RBM38: variants seen among roughly 807,000 people sequenced by gnomAD.
RBM38 encodes the protein RNA-binding protein 38.
Under a neutral mutation model 23.5 loss-of-function variants are expected in RBM38, and 11 were observed. That is an observed-to-expected ratio of 0.47 (90% CI 0.29 to 0.77). The LOEUF is 0.77. Ranked by LOEUF, RBM38 falls within the 30% of genes least tolerant of loss-of-function variation. The pLI is 0.08. For synonymous variants in RBM38, 165 were observed against 166.1 expected, an observed-to-expected ratio of 0.99 and a Z score of 0.05; for missense variants, 330 against 351.9, an observed-to-expected ratio of 0.94 and a Z score of 0.50.
intron 3 of RBM38, among the ~76,000 whole-genome samples, chr20:57,393,858 T>C (rs1169859319): frequency 6.6e-6 from 1 of 152,162 alleles, no homozygotes; most frequent in Non-Finnish European, 1.5e-5. Flanking sequence ...CCTGCCTGAG[T>C]GGCCTGGCCT....
chr20:57,400,064 C>G, intron 3 of RBM38: 1 of 448,960 alleles, frequency 2.2e-6, no homozygotes, highest in Non-Finnish European at 4.5e-6. Context: ...ACGGGGTTCT[C>G]AGACTCTGCC....
chr20:57,396,603 G>T (rs2067276754), intron 3 of RBM38, among the ~76,000 whole-genome samples: 1 of 152,208 alleles, frequency 6.6e-6, no homozygotes, highest in African/African-American at 2.4e-5. Context: ...CCTGGCTGTG[G>T]CCTTGACTCC....
At chr20:57,398,249 CGTGTGTGTGT>C (rs3067272) in intron 3 of RBM38, among the ~76,000 whole-genome samples, 40 of 149,112 alleles carry the variant, frequency 2.7e-4, no homozygotes, top group Middle Eastern at 6.9e-3. Context: ...CAGGTGATGG[CGTGTGTGTGT>C]GTGTGTGTGT....
At chr20:57,401,992 G>C (rs146366535) in intron 3 of RBM38, among the ~76,000 whole-genome samples, 235 of 152,276 alleles carry the variant, frequency 1.5e-3, no homozygotes, top group African/African-American at 5.4e-3. Flanking sequence ...TCTGTCTCCA[G>C]GCTGGAGTGC....
At chr20:57,403,086 C>T (rs1332215852) in intron 3 of RBM38, among the ~76,000 whole-genome samples, 2 of 152,204 alleles carry the variant, frequency 1.3e-5, no homozygotes, top group African/African-American at 4.8e-5. Context: ...GCACCCCCAC[C>T]CGCACCTCAT....
intron 3 of RBM38, among the ~76,000 whole-genome samples, chr20:57,403,544 T>C (rs1031146380): frequency 6.6e-6 from 1 of 152,188 alleles, no homozygotes; most frequent in Non-Finnish European, 1.5e-5. Context: ...TCCCTTGCTC[T>C]GCGATGGGGC....
Position 57,408,204 on chromosome 20 carries a change from T to C in RBM38, c.*358T>C. On this transcript the variant is annotated 3_prime_UTR_variant, in exon 4 of 4. Transcript: ENST00000356208. ...CCCACTGCTGCATCGTGGCGGGGTGTCACAGACCCTCTGCAGCCCCTGGCT... is the reference window on the plus strand; with the variant it reads ...CCCACTGCTGCATCGTGGCGGGGTGCCACAGACCCTCTGCAGCCCCTGGCT... 1 of 381,778 alleles carries C rather than the reference T, an allele frequency of 2.6e-6. No homozygotes were observed. The highest frequency in any genetic ancestry group is 2.5e-5 in the South Asian group (1 of 40,390). The allele number at this position is 381,778 out of a possible 1,614,324, so 23.6% of individuals were successfully genotyped here. A position where few individuals can be genotyped will look rare whatever the true frequency, so the allele number is the denominator to read the frequency against.
In RBM38 at chr20:57,408,807, A is replaced by G. The variant is rs1478601076; in HGVS notation, c.*961A>G. On this transcript the variant is annotated 3_prime_UTR_variant, in exon 4 of 4. Coordinates refer to ENST00000356208, the MANE Select transcript of RBM38 (RefSeq NM_017495.6). ...AGGACCCCGTCACTGCGACGTTGAC[A>G]CTCCTCTCCCTTCCCTTCCTCCCCA... 1.7e-4 allele frequency: 25 copies of G among 147,250 alleles called. 1 individual carries two copies. Among genetic ancestry groups the G allele is most frequent in the Admixed American group, 1.6e-3 (23 of 14,750 alleles). The allele number at this position is 147,250 out of a possible 1,614,324, so 9.1% of individuals were successfully genotyped here. A position where few individuals can be genotyped will look rare whatever the true frequency, so the allele number is the denominator to read the frequency against.
chr20:57,392,927 C>A (rs568712349), intron 2 of RBM38, 150 bp downstream of exon 2: 23 of 1,085,272 alleles, frequency 2.1e-5, no homozygotes, highest in African/African-American at 3.2e-5. Flanking sequence ...AGCCATCCCC[C>A]CCTCGAGGAT....
At position 57,400,477 on chromosome 20, in the gene RBM38, G is replaced by A. The variant is rs568064404; in HGVS notation, c.417-7066G>A. ...GCCTTTCCAGCCCTAATGGTGGCCC[G>A]TTTCAGTGGCTCCGTGATTTGGGGG... is the stretch of plus-strand genomic sequence containing the variant. On this transcript the variant is annotated intron_variant, in intron 3 of 3. Transcript: ENST00000356208. 2.4e-4 allele frequency among the ~76,000 whole-genome samples: 36 copies of A among 152,264 alleles called. No homozygotes were observed. In the South Asian group the frequency reaches 3.9e-3, roughly 17 times the overall value.
intron 3 of RBM38, chr20:57,399,794 G>T (rs1271054311): frequency 2.3e-6 from 1 of 437,498 alleles, no homozygotes; most frequent in Non-Finnish European, 4.6e-6. Context: ...GCGCCTCGGG[G>T]ACCTTCCCAC....
intron 1 of RBM38, 102 bp from the exon 2 acceptor site, chr20:57,392,552 G>T (rs2067230909): frequency 1.3e-6 from 2 of 1,513,726 alleles, no homozygotes; most frequent in East Asian, 4.9e-5. Flanking sequence ...TCAGAGGAAG[G>T]GAAGAGAGGG....
chr20:57,399,505 T>C (rs2067306688), intron 3 of RBM38, among the ~76,000 whole-genome samples: 2 of 152,184 alleles, frequency 1.3e-5, no homozygotes, highest in South Asian at 4.1e-4. Context: ...TTCTGGAGCT[T>C]TGGGCCTTTG....
Position 57,392,706 on chromosome 20 carries a change from C to T in RBM38, c.290C>T (p.Pro97Leu), listed in dbSNP as rs762025790. ...AAERACKDPNPIIDGRKANVN... is the reference protein window; with the variant it reads ...AAERACKDPNLIIDGRKANVN... ...GAGAGGGCTTGCAAAGACCCGAACC[C>T]CATCATCGACGGCCGCAAGGCCAAC... The change falls in exon 2 of 4, where the codon CCC (proline) becomes CTC (leucine). Residue 97 changes from proline (P) to leucine (L), a missense_variant. Transcript: ENST00000356208. The T allele has an allele frequency of 1.2e-5, 20 of 1,612,802 alleles. No individual in the cohort carries two copies. Among genetic ancestry groups the T allele is most frequent in the African/African-American group, 4.0e-5 (3 of 74,952 alleles).
At chr20:57,393,941 C>G (rs1346535943) in intron 3 of RBM38, among the ~76,000 whole-genome samples, 1 of 152,126 alleles carries the variant, frequency 6.6e-6, no homozygotes. Context: ...CTCCCACCTC[C>G]CTGCCCTTTT....
At chr20:57,392,936 A>G (rs2067236267) in intron 2 of RBM38, 159 bp downstream of exon 2, 3 of 988,554 alleles carry the variant, frequency 3.0e-6, no homozygotes, top group Non-Finnish European at 4.4e-6. Context: ...CCCCTCGAGG[A>G]TCTAGACCCC....
Position 57,391,639 on chromosome 20 carries a change from G to GC in RBM38, c.63dup (p.Gly22ArgfsTer68). The GC allele has an allele frequency of 2.1e-6, 3 of 1,460,324 alleles. No individual in the cohort carries two copies. Among genetic ancestry groups the GC allele is most frequent in the Non-Finnish European group, 1.8e-6 (2 of 1,098,046 alleles). The allele number at this position is 1,460,324 out of a possible 1,614,324, so 90.5% of individuals were successfully genotyped here. ...CGCGGGCTTCCCGCGGCCCCTGGCC[G>GC]CCCCCGGCGCCATGCACGGCTCGCA... On this transcript the variant is annotated frameshift_variant, in exon 1 of 4. Coordinates refer to ENST00000356208, the MANE Select transcript of RBM38 (RefSeq NM_017495.6). LOFTEE classifies it high-confidence loss of function.
intron 3 of RBM38, among the ~76,000 whole-genome samples, chr20:57,396,639 A>G (rs575717193): frequency 4.6e-5 from 7 of 152,288 alleles, no homozygotes; most frequent in Non-Finnish European, 5.9e-5. Context: ...TCATATGTAC[A>G]TTATAGAACG....
At chr20:57,406,538 G>A (rs1160661156) in intron 3 of RBM38, among the ~76,000 whole-genome samples, 1 of 152,122 alleles carries the variant, frequency 6.6e-6, no homozygotes, top group East Asian at 1.9e-4. Flanking sequence ...GTCACAGTAC[G>A]GGTCTCCCCC....
Sources: gnomAD v4.1 joint callset for allele counts (sites outside exome capture counted in the v4.1 genomes callset) on GRCh38, gnomAD v4.1.1 for gene constraint, MANE v1.5 for transcripts, NCBI Gene and HGNC (gene_info 2026-07-23, HGNC 2026-07-21) for gene names.